Variants in KDM3B observed in about 807,000 individuals in gnomAD.
KDM3B encodes the protein lysine-specific demethylase 3B.
A neutral mutation model predicts 170.0 loss-of-function variants in KDM3B; 10 were observed. The observed-to-expected ratio is 0.06, with a 90% confidence interval of 0.04 to 0.10. The LOEUF is 0.10. Ranked by LOEUF, KDM3B falls within the 10% of genes least tolerant of loss-of-function variation. The probability of loss-of-function intolerance (pLI) is 1.00; values close to 1 mark genes in which losing one functional copy is unlikely to be tolerated. For missense variants in KDM3B, 1,394 were observed against 2,195.2 expected, an observed-to-expected ratio of 0.64 and a Z score of 7.29; for synonymous variants, 831 against 834.8, an observed-to-expected ratio of 1.00 and a Z score of 0.08.
chr5:138,356,601 G>A (rs926974426), intron 1 of KDM3B, among the ~76,000 whole-genome samples: 1 of 148,216 alleles, frequency 6.7e-6, no homozygotes, highest in Non-Finnish European at 1.5e-5. Context: ...CTTCACCTGC[G>A]TAGTGGGTTG....
Position 138,379,560 on chromosome 5 carries a change from A to G in KDM3B, c.581-24A>G, listed in dbSNP as rs574438006. The stretch of plus-strand genomic sequence containing the variant: ...AAATATAGCTTAGCCAAAAATACTC[A>G]ATACTGACTGATCTCCCTTTTAGGT... On this transcript the variant is annotated intron_variant, in intron 4 of 23. Coordinates refer to ENST00000314358, the MANE Select transcript of KDM3B (RefSeq NM_016604.4). 6 of 1,595,826 alleles carry G rather than the reference A, an allele frequency of 3.8e-6. No homozygotes were observed. The African/African-American group carries it at 8.1e-5, about 22-fold the overall frequency.
At chr5:138,358,482 TA>T (rs1385753395) in intron 1 of KDM3B, among the ~76,000 whole-genome samples, 7 of 151,132 alleles carry the variant, frequency 4.6e-5, no homozygotes, top group Admixed American at 4.6e-4. Flanking sequence ...TTTTTTTATT[TA>T]TTAGTAGAGA....
chr5:138,384,245 TA>T lies in KDM3B; in HGVS notation c.781-1761del, dbSNP rs759332474. Among the ~76,000 whole-genome samples, 517 of 132,412 alleles carry T rather than the reference TA, an allele frequency of 3.9e-3. 4 individuals are homozygous for T. Among genetic ancestry groups the T allele is most frequent in the African/African-American group, 7.2e-3 (260 of 36,096 alleles). 86.9% of individuals were successfully genotyped at this position (132,412 alleles called of 152,430 possible). ...TGGGTGACAGAGCAAGACTCCGACT[TA>T]AAAAAAAAAAAAAAAGTCAAAAGAA... On this transcript the variant is annotated intron_variant, in intron 6 of 23. Transcript: ENST00000314358.
intron 16 of KDM3B, 58 bp from the exon 17 acceptor site, chr5:138,425,352 GC>G (rs1424236252): frequency 1.3e-6 from 2 of 1,548,072 alleles, no homozygotes; most frequent in Non-Finnish European, 1.8e-6. Context: ...TTCTGTCTCA[GC>G]CCTAGAGCTG....
At chr5:138,410,332 A>C (rs1380920716) in intron 11 of KDM3B, among the ~76,000 whole-genome samples, 1 of 152,178 alleles carries the variant, frequency 6.6e-6, no homozygotes, top group Admixed American at 6.5e-5. Context: ...TATTAAAGCT[A>C]CAGTAATTAA....
intron 9 of KDM3B, 175 bp from the exon 10 acceptor site, chr5:138,398,003 G>T: frequency 1.8e-6 from 1 of 564,156 alleles, no homozygotes. Flanking sequence ...CCTACTAAAT[G>T]TTATGTTAAC....
At chr5:138,371,791 C>A (rs1761881308) in intron 1 of KDM3B, among the ~76,000 whole-genome samples, 1 of 151,984 alleles carries the variant, frequency 6.6e-6, no homozygotes, top group Non-Finnish European at 1.5e-5. Flanking sequence ...ACAGCAAGAC[C>A]CTATCTCTAC....
rs973405664 is a variant in KDM3B, at chr5:138,426,775, C to T, written c.4412-200C>T. On this transcript the variant is annotated intron_variant, in intron 17 of 23. Coordinates refer to ENST00000314358, the MANE Select transcript of KDM3B (RefSeq NM_016604.4). ...GCGTGGTGGTGGTTGCCTGTAATCCCAGCTACTCAGGGAGAATCGCTTGAA... is the reference window on the plus strand; with the variant it reads ...GCGTGGTGGTGGTTGCCTGTAATCCTAGCTACTCAGGGAGAATCGCTTGAA... 26 of 472,372 alleles carry T rather than the reference C, an allele frequency of 5.5e-5. No homozygotes were observed. In the Admixed American group the frequency reaches 8.6e-4, roughly 16 times the overall value. 29.3% of individuals were successfully genotyped at this position (472,372 alleles called of 1,614,324 possible). A position where few individuals can be genotyped will look rare whatever the true frequency, so the allele number is the denominator to read the frequency against.
chr5:138,430,018 C>T, intron 21 of KDM3B, 53 bp downstream of exon 21: 1 of 1,599,938 alleles, frequency 6.3e-7, no homozygotes, highest in Non-Finnish European at 8.5e-7. Flanking sequence ...AGTCTCGTTG[C>T]TGAGACACCC....
At chr5:138,421,493 C>A (rs943617307) in intron 15 of KDM3B, among the ~76,000 whole-genome samples, 1 of 152,176 alleles carries the variant, frequency 6.6e-6, no homozygotes, top group Non-Finnish European at 1.5e-5. Context: ...ATTTGATCTT[C>A]AAACTATATT....
At position 138,417,436 on chromosome 5, in the gene KDM3B, T is replaced by C; in HGVS notation, c.3308-47T>C. On this transcript the variant is annotated intron_variant, in intron 12 of 23. Transcript: ENST00000314358. Reference sequence around the variant, plus strand: ...AACACTCTTAGCACAATATGTGGCATATATGAGTATTCTGGTGTTATTTTT... The same window carrying C: ...AACACTCTTAGCACAATATGTGGCACATATGAGTATTCTGGTGTTATTTTT... 1.9e-6 allele frequency: 3 copies of C among 1,581,252 alleles called. No individual in the cohort carries two copies. In the African/African-American group the frequency reaches 4.0e-5, roughly 21 times the overall value.
intron 14 of KDM3B, among the ~76,000 whole-genome samples, chr5:138,419,524 G>T (rs1373884179): frequency 6.0e-5 from 9 of 150,872 alleles, no homozygotes; most frequent in Admixed American, 6.0e-4. Context: ...GCGAGGTGGC[G>T]GGTGCCTGTA....
intron 9 of KDM3B, among the ~76,000 whole-genome samples, chr5:138,394,800 G>C (rs1762510562): frequency 6.6e-6 from 1 of 152,194 alleles, no homozygotes; most frequent in African/African-American, 2.4e-5. Context: ...ACCTTTTTGA[G>C]AATAAGCTAT....
At chr5:138,393,053 C>T (rs1762472573) in intron 8 of KDM3B, 118 bp from the exon 9 acceptor site, 3 of 848,778 alleles carry the variant, frequency 3.5e-6, no homozygotes, top group Non-Finnish European at 5.7e-6. Flanking sequence ...GGTACATGCC[C>T]AAGCAGGGAA....
intron 11 of KDM3B, among the ~76,000 whole-genome samples, chr5:138,413,774 C>T (rs1001453295): frequency 6.6e-6 from 1 of 152,038 alleles, no homozygotes; most frequent in Non-Finnish European, 1.5e-5. Flanking sequence ...ACTGGGACCA[C>T]AAGCATACAT....
chr5:138,375,253 C>G (rs1401624147), intron 3 of KDM3B, 47 bp downstream of exon 3: 1 of 1,231,044 alleles, frequency 8.1e-7, no homozygotes, highest in Non-Finnish European at 1.2e-6. Flanking sequence ...TTTTTCGCTG[C>G]TAATTTCTTT....
At chr5:138,404,162 G>A (rs935114868) in intron 11 of KDM3B, among the ~76,000 whole-genome samples, 23 of 152,140 alleles carry the variant, frequency 1.5e-4, no homozygotes, top group Admixed American at 3.9e-4. Context: ...AAACATACAA[G>A]TAGAGTTTCA....
intron 17 of KDM3B, among the ~76,000 whole-genome samples, chr5:138,426,574 C>CAAA (rs566978034): frequency 7.2e-5 from 5 of 69,174 alleles, no homozygotes; most frequent in Admixed American, 3.4e-4. Context: ...GACTCCATCT[C>CAAA]AAAAAAAAAA....
At chr5:138,356,554 A>C (rs560428695) in intron 1 of KDM3B, among the ~76,000 whole-genome samples, 1 of 150,856 alleles carries the variant, frequency 6.6e-6, no homozygotes, top group South Asian at 2.1e-4. Context: ...GAGTTGTCTT[A>C]CCACTCTCTG....
Sources: gnomAD v4.1 joint callset for allele counts (sites outside exome capture counted in the v4.1 genomes callset) on GRCh38, gnomAD v4.1.1 for gene constraint, MANE v1.5 for transcripts, NCBI Gene and HGNC (gene_info 2026-07-23, HGNC 2026-07-21) for gene names.